The following ARHGEF1 variants were observed in gnomAD, a reference collection of about 807,000 sequenced individuals.
ARHGEF1 encodes 115 kDa guanine nucleotide exchange factor.
ARHGEF1 carries 40 observed loss-of-function variants against 119.7 expected under a neutral mutation model. The ratio of observed to expected loss-of-function variants is 0.33; its 90% CI spans 0.26 to 0.44. The LOEUF is 0.44. Ranked by LOEUF, ARHGEF1 falls within the 20% of genes least tolerant of loss-of-function variation. The pLI is 1.00. For synonymous variants in ARHGEF1, 494 were observed against 521.0 expected, an observed-to-expected ratio of 0.95 and a Z score of 0.71; for missense variants, 976 against 1,268.3, an observed-to-expected ratio of 0.77 and a Z score of 3.50.
chr19:41,902,778 C>T lies in ARHGEF1; in HGVS notation c.1624-6C>T. 6.2e-7 allele frequency: 1 copy of T among 1,613,290 alleles called. No homozygotes were observed. The highest frequency in any genetic ancestry group is 1.1e-5 in the South Asian group (1 of 91,076). Reference sequence around the variant, plus strand: ...GGCCATCGCAACACCAGCATGTTTCCCGCAGGAAGCTGAGAGCCGCCCGCG... The same window carrying T: ...GGCCATCGCAACACCAGCATGTTTCTCGCAGGAAGCTGAGAGCCGCCCGCG... On this transcript the variant is annotated splice_polypyrimidine_tract_variant and splice_region_variant and intron_variant, in intron 17 of 28. Transcript: ENST00000354532. This position sits in a 1 kb window ranked among gnomAD's most constrained non-coding sequence, Gnocchi z 6.5.
At chr19:41,913,554 C>G (rs894566067) in intron 18 of ARHGEF1, among the ~76,000 whole-genome samples, 1 of 151,716 alleles carries the variant, frequency 6.6e-6, no homozygotes, top group Non-Finnish European at 1.5e-5. Flanking sequence ...TCCTCTACCC[C>G]ACAGGGCAGC....
upstream of ARHGEF1, among the ~76,000 whole-genome samples, chr19:41,921,016 G>T (rs1555852438): frequency 6.6e-6 from 1 of 152,236 alleles, no homozygotes; most frequent in African/African-American, 2.4e-5. This position sits in a 1 kb window ranked among gnomAD's most constrained non-coding sequence, Gnocchi z 4.4. Context: ...CCCTGGGGCT[G>T]CGGACAGCAG....
At chr19:41,901,755 A>G in intron 14 of ARHGEF1, 132 bp from the exon 15 acceptor site, 4 of 1,129,918 alleles carry the variant, frequency 3.5e-6, no homozygotes, top group Non-Finnish European at 4.9e-6. Flanking sequence ...GGCTAGCCAG[A>G]GAGAGTTTTT....
chr19:41,897,749 C>T, intron 13 of ARHGEF1: 1 of 497,728 alleles, frequency 2.0e-6, no homozygotes, highest in Non-Finnish European at 3.3e-6. Flanking sequence ...GTCCTGGTCT[C>T]TCCCCGTCTC....
intron 1 of ARHGEF1, among the ~76,000 whole-genome samples, chr19:41,923,496 C>T (rs1176587928): frequency 6.7e-6 from 1 of 149,004 alleles, no homozygotes; most frequent in Non-Finnish European, 1.5e-5. Flanking sequence ...ACAGAGGAGT[C>T]GAGAGGCCAG....
rs782676034 is a variant in ARHGEF1 at position 41,904,012 on chromosome 19, A to G, written c.1918-23A>G. On this transcript the variant is annotated intron_variant, in intron 20 of 28. Transcript: ENST00000354532. The surrounding 1 kb of genome is among the most constrained non-coding windows in gnomAD (Gnocchi z 8.4). ...AATCACCCCCTGCCAACCTGCACAA[A>G]CCATCACCCCCTCCTGCCCCAGAAC... 2 of 1,612,072 alleles carry G rather than the reference A, an allele frequency of 1.2e-6. No individual in the cohort carries two copies.
At chr19:41,898,138 C>T (rs1205074183) in intron 13 of ARHGEF1, 1 of 1,398,562 alleles carries the variant, frequency 7.2e-7, no homozygotes, top group East Asian at 2.8e-5. Context: ...TCCCTTCCCC[C>T]ATCCACTAAG....
downstream of ARHGEF1, chr19:41,907,596 C>G (rs1013514458): frequency 1.7e-6 from 1 of 605,744 alleles, no homozygotes; most frequent in South Asian, 2.1e-5. Flanking sequence ...TTGTTTGAAC[C>G]GTTACTCCCC....
At chr19:41,910,072 G>C, downstream of ARHGEF1, 1 of 1,613,226 alleles carries the variant, frequency 6.2e-7, no homozygotes, top group Non-Finnish European at 8.5e-7. This position sits in a 1 kb window ranked among gnomAD's most constrained non-coding sequence, Gnocchi z 4.4. Context: ...ACTCTGGCTT[G>C]TAGGCCCAAT....
At chr19:41,913,269 C>CCGCCCGCCCGCCGCT (rs2074765124) in intron 18 of ARHGEF1, among the ~76,000 whole-genome samples, 2 of 150,362 alleles carry the variant, frequency 1.3e-5, no homozygotes, top group Non-Finnish European at 3.0e-5. Flanking sequence ...TCACGCCCGC[C>CCGCCCGCCCGCCGCT]CGCCCGCCCG....
chr19:41,897,106 C>T (rs1555847935), intron 13 of ARHGEF1: 7 of 375,622 alleles, frequency 1.9e-5, no homozygotes, highest in East Asian at 1.7e-4. Flanking sequence ...CCCCACCCCC[C>T]GCCTCGCTCC....
downstream of ARHGEF1, chr19:41,909,798 G>C (rs1258223296): frequency 1.2e-5 from 18 of 1,484,598 alleles, no homozygotes; most frequent in Non-Finnish European, 1.6e-5. The surrounding 1 kb of genome is among the most constrained non-coding windows in gnomAD (Gnocchi z 5.2). Flanking sequence ...GGATGCAGAG[G>C]GGGCACCAGA....
intron 1 of ARHGEF1, chr19:41,923,256 G>T (rs2074852282): frequency 2.2e-6 from 1 of 447,248 alleles, no homozygotes; most frequent in South Asian, 1.6e-5. Flanking sequence ...CTAGGCCCCC[G>T]ATATTTGTAC....
Position 41,916,839 on chromosome 19 carries a change from G to A in ARHGEF1, c.1866-6253G>A, listed in dbSNP as rs1414868093. ...ACCAAGATCACGGACCCAAACATAC[G>A]ACCGACAGCGGCCCCTGCAGAGGTA... On this transcript the variant is annotated intron_variant, in intron 18 of 20. Coordinates refer to the ARHGEF1 transcript ENST00000599589. This position sits in a 1 kb window ranked among gnomAD's most constrained non-coding sequence, Gnocchi z 5.4. Among the ~76,000 whole-genome samples, 3 of 127,018 alleles carry A rather than the reference G, an allele frequency of 2.4e-5. No homozygotes were observed. Among genetic ancestry groups the A allele is most frequent in the African/African-American group, 1.1e-4 (2 of 18,598 alleles). 83.3% of individuals were successfully genotyped at this position (127,018 alleles called of 152,430 possible). A position where few individuals can be genotyped will look rare whatever the true frequency, so the allele number is the denominator to read the frequency against.
chr19:41,897,122 C>T (rs1599649075), intron 13 of ARHGEF1: 3 of 381,780 alleles, frequency 7.9e-6, no homozygotes, highest in African/African-American at 2.8e-5. Context: ...GCTCCTGCCT[C>T]CTGGTGCCCG....
chr19:41,885,838 T>C (rs1290692094), intron 1 of ARHGEF1, among the ~76,000 whole-genome samples: 3 of 152,166 alleles, frequency 2.0e-5, no homozygotes, highest in Non-Finnish European at 2.9e-5. Context: ...CTGCAACCTC[T>C]GCCTCCTGGG....
chr19:41,908,061 G>T (rs953428060), downstream of ARHGEF1: 146 of 465,224 alleles, frequency 3.1e-4, no homozygotes, highest in Non-Finnish European at 1.2e-4. This position sits in a 1 kb window ranked among gnomAD's most constrained non-coding sequence, Gnocchi z 6.7. Flanking sequence ...TGTGGAGGGG[G>T]AAGTGAGACC....
Position 41,906,144 on chromosome 19 carries a change from T to C in ARHGEF1, c.2491+119T>C. ...CGCCCAGCTGCCAGAAAACAAATGC[T>C]CCAAACCCACCCAGCCTGCACCACT... On this transcript the variant is annotated intron_variant, in intron 26 of 28. Transcript: ENST00000354532. This position sits in a 1 kb window ranked among gnomAD's most constrained non-coding sequence, Gnocchi z 4.5. 2 of 998,342 alleles carry C rather than the reference T, an allele frequency of 2.0e-6. No homozygotes were observed. The allele number at this position is 998,342 out of a possible 1,614,324, so 61.8% of individuals were successfully genotyped here.
chr19:41,924,795 A>G (rs1184542731), intron 1 of ARHGEF1, among the ~76,000 whole-genome samples: 3 of 151,996 alleles, frequency 2.0e-5, no homozygotes, highest in Non-Finnish European at 4.4e-5. Flanking sequence ...TCGAGGAGAG[A>G]GCTGGTCAGA....
Sources: gnomAD v4.1 joint callset for allele counts (sites outside exome capture counted in the v4.1 genomes callset) on GRCh38, gnomAD v4.1.1 for gene constraint, Gnocchi (gnomAD v3.1) non-coding constraint, MANE v1.5 for transcripts, NCBI Gene and HGNC (gene_info 2026-07-23, HGNC 2026-07-21) for gene names.